The following QTGAL variants were observed in gnomAD, a reference collection of about 807,000 sequenced individuals.
QTGAL encodes BGnT-like protein 1.
the QTGAL span, among the ~76,000 whole-genome samples, chr17:83,011,170 G>A: frequency 6.6e-6 from 1 of 152,240 alleles, no homozygotes; most frequent in South Asian, 2.1e-4. Context: ...ACAGTGTCAG[G>A]AATCCAAGGG....
the QTGAL span, among the ~76,000 whole-genome samples, chr17:82,959,463 AGTGT>A: frequency 2.0e-5 from 3 of 151,232 alleles, no homozygotes; most frequent in South Asian, 2.1e-4. Flanking sequence ...GTGCACGTGC[AGTGT>A]GTGTGTGTGT....
At chr17:83,013,162 C>T in the QTGAL span, among the ~76,000 whole-genome samples, 1 of 152,172 alleles carries the variant, frequency 6.6e-6, no homozygotes, top group East Asian at 1.9e-4. Context: ...CTCCTGCCCT[C>T]ACAGAAAATG....
the QTGAL span, among the ~76,000 whole-genome samples, chr17:83,029,684 C>T: frequency 6.6e-6 from 1 of 152,212 alleles, no homozygotes; most frequent in Non-Finnish European, 1.5e-5. Flanking sequence ...GTTCAGGACA[C>T]AGCGCGTCTG....
At chr17:83,049,443 C>T in the QTGAL span, among the ~76,000 whole-genome samples, 7 of 142,120 alleles carry the variant, frequency 4.9e-5, no homozygotes, top group Non-Finnish European at 9.1e-5. Context: ...GATGGAGTCT[C>T]GCTCTGTCAC....
the QTGAL span, chr17:83,035,043 A>C: frequency 6.2e-7 from 1 of 1,609,718 alleles, no homozygotes. Context: ...ACCGAATCCA[A>C]AAAGCAAAGG....
At chr17:82,958,857 TATG>T in the QTGAL span, among the ~76,000 whole-genome samples, 1 of 92,430 alleles carries the variant, frequency 1.1e-5, no homozygotes, top group Non-Finnish European at 2.2e-5. Context: ...ACTGGGGGTG[TATG>T]GTGTGTGTGT....
At chr17:83,006,804 A>G in the QTGAL span, 1 of 985,472 alleles carries the variant, frequency 1.0e-6, no homozygotes, top group Non-Finnish European at 1.2e-6. This position sits in a 1 kb window ranked among gnomAD's most constrained non-coding sequence, Gnocchi z 5.8. Context: ...ATTCAAGTTC[A>G]GGTTTGTCTG....
chr17:83,018,118 CACAAACACG>C, the QTGAL span, among the ~76,000 whole-genome samples: 1 of 152,026 alleles, frequency 6.6e-6, no homozygotes. Context: ...ACACGTGCTC[CACAAACACG>C]GTGCACCTGC....
At chr17:83,051,018 ACAGGTGTGCAGG>A in the QTGAL span, among the ~76,000 whole-genome samples, 12 of 144,000 alleles carry the variant, frequency 8.3e-5, no homozygotes, top group African/African-American at 3.2e-4. Flanking sequence ...GGGCACACGG[ACAGGTGTGCAGG>A]CAGGTGTGGG....
At chr17:83,019,599 CG>C in the QTGAL span, among the ~76,000 whole-genome samples, 1 of 152,048 alleles carries the variant, frequency 6.6e-6, no homozygotes, top group Admixed American at 6.6e-5. Flanking sequence ...GATCTGGAGG[CG>C]GAGGCGGCGG....
At chr17:82,977,267 C>T in the QTGAL span, among the ~76,000 whole-genome samples, 6 of 152,192 alleles carry the variant, frequency 3.9e-5, no homozygotes, top group African/African-American at 1.4e-4. Flanking sequence ...AGGACAGCTG[C>T]GGCGCCGCCC....
chr17:82,954,580 C>T, the QTGAL span, among the ~76,000 whole-genome samples: 12 of 152,198 alleles, frequency 7.9e-5, no homozygotes, highest in South Asian at 8.3e-4. Context: ...AGATTCAATC[C>T]CATTCCCATC....
the QTGAL span, chr17:82,957,461 C>A: frequency 6.2e-7 from 1 of 1,610,054 alleles, no homozygotes; most frequent in Non-Finnish European, 8.5e-7. Context: ...CCTGCTCTTC[C>A]AGGAAGCGGA....
At chr17:83,005,025 C>G in the QTGAL span, 1 of 1,094,374 alleles carries the variant, frequency 9.1e-7, no homozygotes, top group South Asian at 1.6e-5. This position sits in a 1 kb window ranked among gnomAD's most constrained non-coding sequence, Gnocchi z 5.6. Flanking sequence ...CCCACGACGA[C>G]GCAGACACAA....
the QTGAL span, among the ~76,000 whole-genome samples, chr17:83,026,728 GA>G: frequency 0.1 from 11,220 of 111,606 alleles, 5 homozygotes; most frequent in Non-Finnish European, 0.12. Flanking sequence ...AGGAGGGCAG[GA>G]AGCCTGCAGA....
At chr17:83,037,704 A>AG in the QTGAL span, among the ~76,000 whole-genome samples, 1 of 152,252 alleles carries the variant, frequency 6.6e-6, no homozygotes, top group African/African-American at 2.4e-5. The surrounding 1 kb of genome is among the most constrained non-coding windows in gnomAD (Gnocchi z 5.2). Context: ...ACTGTTCAAC[A>AG]GGGGCTCTGC....
chr17:83,018,443 T>C, the QTGAL span, among the ~76,000 whole-genome samples: 1 of 152,160 alleles, frequency 6.6e-6, no homozygotes, highest in East Asian at 1.9e-4. Flanking sequence ...TCACCATTTA[T>C]AAAACACACA....
the QTGAL span, among the ~76,000 whole-genome samples, chr17:83,037,338 C>T: frequency 5.9e-5 from 9 of 152,338 alleles, no homozygotes; most frequent in African/African-American, 2.2e-4. This position sits in a 1 kb window ranked among gnomAD's most constrained non-coding sequence, Gnocchi z 5.2. Flanking sequence ...GCGAGACGCA[C>T]AGAGTCTCCC....
chr17:83,043,556 C>G, the QTGAL span, among the ~76,000 whole-genome samples: 4 of 151,728 alleles, frequency 2.6e-5, no homozygotes, highest in African/African-American at 7.3e-5. Flanking sequence ...CTATAAATGC[C>G]TACATAAAAG....
Sources: allele counts gnomAD v4.1 joint callset (sites outside exome capture counted in the v4.1 genomes callset), GRCh38; gene constraint gnomAD v4.1.1; non-coding constraint Gnocchi (gnomAD v3.1); transcripts MANE v1.5; gene names NCBI Gene and HGNC (gene_info 2026-07-23, HGNC 2026-07-21).